DOCK4: variants seen among roughly 807,000 people sequenced by gnomAD.
DOCK4 encodes the protein dedicator of cytokinesis protein 4.
In DOCK4, 97 loss-of-function variants were observed where a neutral mutation model predicts 268.1. The observed-to-expected ratio is 0.36, with a 90% confidence interval of 0.31 to 0.43. The LOEUF is 0.43. Among genes scored for constraint, DOCK4 ranks in the 20% least tolerant of loss-of-function variants. The pLI is 1.00. For synonymous variants in DOCK4, 954 were observed against 887.2 expected (o/e 1.08, Z -1.34); for missense variants, 2,145 against 2,455.7 (o/e 0.87, Z 2.67).
At chr7:111,903,296 A>G (rs937889067) in intron 13 of DOCK4, among the ~76,000 whole-genome samples, 1 of 152,226 alleles carries the variant, frequency 6.6e-6, no homozygotes, top group Non-Finnish European at 1.5e-5. Flanking sequence ...AGTTCTAAAA[A>G]GAATTACATC....
intron 41 of DOCK4, among the ~76,000 whole-genome samples, chr7:111,756,961 G>T (rs1045839055): frequency 6.6e-6 from 1 of 152,118 alleles, no homozygotes; most frequent in Non-Finnish European, 1.5e-5. Flanking sequence ...CAGCCTGCGG[G>T]AGGAGGACAG....
chr7:111,735,076 G>C lies in DOCK4; in HGVS notation c.5397C>G (p.Val1799=), dbSNP rs1205466952. 6.3e-7 allele frequency: 1 copy of C among 1,596,190 alleles called. No homozygotes were observed. Among genetic ancestry groups the C allele is most frequent in the South Asian group, 1.1e-5 (1 of 87,660 alleles). The change falls in exon 51 of 53, where the codon GTC becomes GTG. Residue 1799 remains valine (V), a synonymous_variant. Transcript: ENST00000428084. Reference sequence around the variant, plus strand: ...CACCAGTCTGTGTGGGTCTTGGAGGGACAGGGGGAGAGATAAGTTTCCCAC... The same window carrying C: ...CACCAGTCTGTGTGGGTCTTGGAGGCACAGGGGGAGAGATAAGTTTCCCAC... The part of the protein sequence containing the change: ...SDSGKLISPP[V]PPRPTQTASP...
At chr7:111,851,934 C>CCTCT (rs147425513) in intron 23 of DOCK4, among the ~76,000 whole-genome samples, 16 of 144,724 alleles carry the variant, frequency 1.1e-4, no homozygotes, top group Non-Finnish European at 2.3e-4. Context: ...TGTGAAAGTG[C>CCTCT]CTCTCTCTCT....
intron 13 of DOCK4, among the ~76,000 whole-genome samples, chr7:111,911,153 T>C (rs895014555): frequency 2.6e-5 from 4 of 152,230 alleles, no homozygotes; most frequent in Middle Eastern, 3.4e-3. Flanking sequence ...CCTATCAGAA[T>C]GCTAAAGATG....
chr7:111,774,336 C>T (rs1207622021), intron 36 of DOCK4, among the ~76,000 whole-genome samples: 1 of 152,056 alleles, frequency 6.6e-6, no homozygotes, highest in Admixed American at 6.5e-5. Flanking sequence ...GGCATGGTGG[C>T]AGGCACCTGT....
intron 1 of DOCK4, among the ~76,000 whole-genome samples, chr7:112,166,312 C>A (rs1328479661): frequency 6.6e-6 from 1 of 152,052 alleles, no homozygotes; most frequent in Non-Finnish European, 1.5e-5. Context: ...CAAAAAAAAG[C>A]TGTACATCTT....
chr7:112,184,532 T>C (rs73440638), intron 1 of DOCK4, among the ~76,000 whole-genome samples: 11,244 of 152,110 alleles, frequency 0.074, 893 homozygotes, highest in African/African-American at 0.2. Context: ...TCTTTTTTTT[T>C]CCTTTTGGAG....
intron 1 of DOCK4, among the ~76,000 whole-genome samples, chr7:112,143,715 T>C (rs1483980606): frequency 1.3e-5 from 2 of 152,028 alleles, no homozygotes; most frequent in Non-Finnish European, 2.9e-5. Flanking sequence ...TTATATAAAG[T>C]CTCCTGAGAG....
intron 26 of DOCK4, among the ~76,000 whole-genome samples, chr7:111,828,073 C>G (rs1359761170): frequency 3.3e-5 from 5 of 152,026 alleles, no homozygotes; most frequent in Non-Finnish European, 7.4e-5. Context: ...AGGATATGGA[C>G]AAAACTGTAG....
At chr7:111,751,753 T>C (rs968867059) in intron 42 of DOCK4, among the ~76,000 whole-genome samples, 4 of 150,408 alleles carry the variant, frequency 2.7e-5, no homozygotes, top group East Asian at 1.9e-4. Flanking sequence ...CCTAAAAATA[T>C]ATAATTTTTT....
chr7:111,984,411 G>C, intron 6 of DOCK4, 21 bp from the exon 7 acceptor site: 1 of 1,601,386 alleles, frequency 6.2e-7, no homozygotes, highest in Non-Finnish European at 8.5e-7. Flanking sequence ...AATTGCAAAA[G>C]TTTGGGGGAA....
intron 1 of DOCK4, among the ~76,000 whole-genome samples, chr7:112,129,434 A>G (rs540977976): frequency 2.9e-4 from 44 of 152,154 alleles, no homozygotes; most frequent in Non-Finnish European, 7.3e-5. Context: ...TGATGGAACA[A>G]TTCTGTATCC....
intron 12 of DOCK4, among the ~76,000 whole-genome samples, chr7:111,931,314 C>A (rs546177062): frequency 6.6e-6 from 1 of 152,152 alleles, no homozygotes; most frequent in Non-Finnish European, 1.5e-5. Flanking sequence ...GGCTACAACA[C>A]GTAGCTTTTC....
At chr7:111,753,771 G>A (rs1383849739) in intron 42 of DOCK4, among the ~76,000 whole-genome samples, 1 of 152,200 alleles carries the variant, frequency 6.6e-6, no homozygotes, top group African/African-American at 2.4e-5. Flanking sequence ...TCGACAGTGA[G>A]GACATTCTAG....
intron 1 of DOCK4, among the ~76,000 whole-genome samples, chr7:112,047,632 G>A (rs577838451): frequency 1.3e-5 from 2 of 152,236 alleles, no homozygotes; most frequent in Non-Finnish European, 2.9e-5. Flanking sequence ...GATTAATGAA[G>A]TTGAAAACAT....
chr7:111,751,203 A>G (rs1354383428), intron 42 of DOCK4, among the ~76,000 whole-genome samples: 2 of 152,194 alleles, frequency 1.3e-5, no homozygotes, highest in Non-Finnish European at 2.9e-5. Context: ...CTAACTACCA[A>G]TTTACAAGGA....
At position 111,980,150 on chromosome 7, in the gene DOCK4, C is replaced by T. The variant is rs1798503736; in HGVS notation, c.550-2867G>A. 2.0e-5 allele frequency among the ~76,000 whole-genome samples: 3 copies of T among 152,084 alleles called. No individual in the cohort carries two copies. In the South Asian group the frequency reaches 6.2e-4, roughly 32 times the overall value. ...TCTTTGAATACATGCTAGTAATAAG[C>T]CTGCCTGACTCTACCCTTTGCACAT... On this transcript the variant is annotated intron_variant, in intron 7 of 52. Coordinates refer to ENST00000428084, the MANE Select transcript of DOCK4 (RefSeq NM_001363540.2).
chr7:111,915,040 A>G (rs1792468014), intron 13 of DOCK4, among the ~76,000 whole-genome samples: 1 of 152,226 alleles, frequency 6.6e-6, no homozygotes, highest in Non-Finnish European at 1.5e-5. Context: ...TCATCAGCAA[A>G]CGTACTATTC....
intron 36 of DOCK4, among the ~76,000 whole-genome samples, chr7:111,770,522 A>G (rs1425841977): frequency 6.6e-6 from 1 of 152,184 alleles, no homozygotes; most frequent in East Asian, 1.9e-4. Context: ...GGATTTAAGT[A>G]TGGTTGGCAG....
Sources: gnomAD v4.1 joint callset for allele counts (sites outside exome capture counted in the v4.1 genomes callset) on GRCh38, gnomAD v4.1.1 for gene constraint, MANE v1.5 for transcripts, NCBI Gene and HGNC (gene_info 2026-07-23, HGNC 2026-07-21) for gene names.